Variants in COLEC10 observed in about 807,000 individuals in gnomAD.
The protein encoded by COLEC10 is collectin-10.
A neutral mutation model predicts 28.4 loss-of-function variants in COLEC10; 22 were observed. The ratio of observed to expected loss-of-function variants is 0.78; its 90% CI spans 0.55 to 1.11. The LOEUF (loss-of-function observed/expected upper bound fraction) is 1.11, where lower values mean the gene tolerates loss of function less well. Among genes scored for constraint, COLEC10 ranks in the 50% least tolerant of loss-of-function variants. The pLI is 0.00. For missense variants in COLEC10, 361 were observed against 344.1 expected, an observed-to-expected ratio of 1.05 and a Z score of -0.39; for synonymous variants, 125 against 116.1, an observed-to-expected ratio of 1.08 and a Z score of -0.49.
chr8:118,982,837 A>G, the COLEC10 span: 9 of 152,214 alleles, frequency 5.9e-5, no homozygotes, highest in East Asian at 3.9e-4. Flanking sequence ...CTGTACATCT[A>G]TGTTCCAGTG....
chr8:119,108,105 C>T lies in COLEC10; in HGVS notation c.*1914C>T, dbSNP rs1172399118. On this transcript the variant is annotated 3_prime_UTR_variant, in exon 6 of 6. Coordinates refer to ENST00000332843, the MANE Select transcript of COLEC10 (RefSeq NM_006438.5). Reference sequence around the variant, plus strand: ...TAATAGGAATTTGTTATATGTTTGACATTTATCAGGTTACTAGTTAAACTC... The same window carrying T: ...TAATAGGAATTTGTTATATGTTTGATATTTATCAGGTTACTAGTTAAACTC... Among the ~76,000 whole-genome samples, 2 of 152,142 alleles carry T rather than the reference C, an allele frequency of 1.3e-5. No homozygotes were observed. Among genetic ancestry groups the T allele is most frequent in the South Asian group, 2.1e-4 (1 of 4,802 alleles).
At chr8:119,000,084 C>G (rs1012525021) in intron 1 of COLEC10, among the ~76,000 whole-genome samples, 7 of 152,074 alleles carry the variant, frequency 4.6e-5, no homozygotes, top group Non-Finnish European at 7.3e-5. Flanking sequence ...TTTCCTAAAG[C>G]AGCAGTGAAG....
chr8:119,040,715 G>A (rs1814478976), intron 2 of COLEC10, among the ~76,000 whole-genome samples: 1 of 152,140 alleles, frequency 6.6e-6, no homozygotes, highest in East Asian at 1.9e-4. Flanking sequence ...AGACAGATGT[G>A]GGCAGGAATA....
At chr8:119,091,583 GAGAGAGAGAGAGAGAAAGAAAGAAAGAA>G (rs1815598511) in intron 3 of COLEC10, among the ~76,000 whole-genome samples, 1 of 85,304 alleles carries the variant, frequency 1.2e-5, no homozygotes, top group Non-Finnish European at 2.6e-5. Flanking sequence ...AAGAGAGAGA[GAGAGAGAGAGAGAGAAAGAAAGAAAGAA>G]AGAAAGAAAG....
At chr8:118,978,944 A>G in the COLEC10 span, among the ~76,000 whole-genome samples, 2 of 152,046 alleles carry the variant, frequency 1.3e-5, no homozygotes, top group Non-Finnish European at 2.9e-5. Context: ...TTACAAATCT[A>G]ATTTACCAGT....
intron 2 of COLEC10, among the ~76,000 whole-genome samples, chr8:119,045,268 T>C (rs16891907): frequency 0.043 from 6,500 of 152,244 alleles, 204 homozygotes; most frequent in East Asian, 0.16. Context: ...CTCAGACAAA[T>C]GTCACTTATA....
chr8:119,066,295 T>C (rs1814954632), upstream of COLEC10, among the ~76,000 whole-genome samples: 1 of 152,198 alleles, frequency 6.6e-6, no homozygotes, highest in Middle Eastern at 3.2e-3. Context: ...TCCAATATCT[T>C]ACTATGCCCA....
At chr8:119,091,774 A>G (rs1815608283) in intron 3 of COLEC10, among the ~76,000 whole-genome samples, 1 of 152,192 alleles carries the variant, frequency 6.6e-6, no homozygotes, top group South Asian at 2.1e-4. Context: ...CACAGCTCAA[A>G]AAAAGAAATA....
chr8:119,045,598 T>C (rs1336180835), intron 2 of COLEC10, among the ~76,000 whole-genome samples: 1 of 152,230 alleles, frequency 6.6e-6, no homozygotes, highest in East Asian at 1.9e-4. Context: ...CTAGGGAAGG[T>C]TGATTGTATT....
chr8:118,963,608 T>A, the COLEC10 span, among the ~76,000 whole-genome samples: 1 of 152,246 alleles, frequency 6.6e-6, no homozygotes, highest in Admixed American at 6.5e-5. Flanking sequence ...CATTAAAACA[T>A]CAATGGCATA....
chr8:118,989,577 A>ACC, the COLEC10 span, among the ~76,000 whole-genome samples: 948 of 137,414 alleles, frequency 6.9e-3, 8 homozygotes, highest in African/African-American at 0.023. Context: ...ACACACACAC[A>ACC]CCCCTACCTA....
intron 2 of COLEC10, among the ~76,000 whole-genome samples, chr8:119,022,816 T>C (rs1291406682): frequency 6.6e-6 from 1 of 152,140 alleles, no homozygotes; most frequent in Admixed American, 6.6e-5. Flanking sequence ...AACCCTCCAG[T>C]AGCTGTCATC....
the COLEC10 span, among the ~76,000 whole-genome samples, chr8:118,983,525 A>G: frequency 6.6e-6 from 1 of 152,148 alleles, no homozygotes; most frequent in Non-Finnish European, 1.5e-5. Flanking sequence ...GTGTCCCTTC[A>G]GAAGACACAT....
At chr8:118,968,078 A>G in the COLEC10 span, among the ~76,000 whole-genome samples, 1 of 152,146 alleles carries the variant, frequency 6.6e-6, no homozygotes, top group Admixed American at 6.6e-5. Flanking sequence ...ATTCATCATC[A>G]AAATAAAATT....
chr8:118,979,849 C>T, the COLEC10 span, among the ~76,000 whole-genome samples: 1 of 152,108 alleles, frequency 6.6e-6, no homozygotes, highest in African/African-American at 2.4e-5. Flanking sequence ...CATCAGACAT[C>T]TTAAAATTTG....
At chr8:119,047,144 T>C (rs974742746) in intron 2 of COLEC10, among the ~76,000 whole-genome samples, 1 of 152,178 alleles carries the variant, frequency 6.6e-6, no homozygotes, top group Admixed American at 6.5e-5. Context: ...AAGGGTACCA[T>C]CTCAAAAGAA....
At chr8:118,980,230 T>C in the COLEC10 span, among the ~76,000 whole-genome samples, 1 of 151,602 alleles carries the variant, frequency 6.6e-6, no homozygotes, top group Admixed American at 6.6e-5. Context: ...GAGACAGTTT[T>C]TCTCTGTAGC....
exon 2 of COLEC10, chr8:119,009,523 A>T (rs1183887171): frequency 6.6e-6 from 1 of 150,988 alleles, no homozygotes; most frequent in Non-Finnish European, 1.5e-5. Flanking sequence ...TGCCAGTGCC[A>T]TGCTTTTTGG....
chr8:119,089,895 G>C, intron 2 of COLEC10, 144 bp downstream of exon 2: 1 of 654,438 alleles, frequency 1.5e-6, no homozygotes, highest in East Asian at 2.8e-5. Context: ...GAATTAACTC[G>C]CCATCTGAAT....
Sources: gnomAD v4.1 joint callset for allele counts (sites outside exome capture counted in the v4.1 genomes callset) on GRCh38, gnomAD v4.1.1 for gene constraint, MANE v1.5 for transcripts, NCBI Gene and HGNC (gene_info 2026-07-23, HGNC 2026-07-21) for gene names.